CSMD1: variants seen among roughly 807,000 people sequenced by gnomAD.
CSMD1 encodes the protein CUB and Sushi multiple domains 1, also known as CUB and sushi domain-containing protein 1.
CSMD1 carries 213 observed loss-of-function variants against 417.5 expected under a neutral mutation model. That is an observed-to-expected ratio of 0.51 (90% CI 0.46 to 0.57). The LOEUF (loss-of-function observed/expected upper bound fraction) is 0.57. Ranked by LOEUF, CSMD1 falls within the 20% of genes least tolerant of loss-of-function variation. The pLI, the probability that CSMD1 is intolerant of heterozygous loss-of-function variation, is 0.00. For synonymous variants in CSMD1, 2,862 were observed against 1,736.8 expected, an observed-to-expected ratio of 1.65 and a Z score of -16.11; for missense variants, 6,923 against 4,529.7, an observed-to-expected ratio of 1.53 and a Z score of -15.17.
At chr8:4,813,534 G>T (rs935264114) in intron 1 of CSMD1, among the ~76,000 whole-genome samples, 1 of 152,152 alleles carries the variant, frequency 6.6e-6, no homozygotes, top group African/African-American at 2.4e-5. Flanking sequence ...GCAAACACCA[G>T]TGAATGTGTT....
chr8:3,419,598 C>A (rs1172007553), intron 12 of CSMD1, among the ~76,000 whole-genome samples: 1 of 151,990 alleles, frequency 6.6e-6, no homozygotes, highest in Non-Finnish European at 1.5e-5. Context: ...CCACGTCTGG[C>A]CAATTGCTAT....
Position 3,652,111 on chromosome 8 carries a change from CA to C in CSMD1, c.1010-35315del, listed in dbSNP as rs1563235672. ...CCATCAGAGCACCTACCACCATCAG[CA>C]CGCTTACCATCAGAGCGCTTACCAC... On this transcript the variant is annotated intron_variant, in intron 7 of 69. Coordinates refer to ENST00000635120, the MANE Select transcript of CSMD1 (RefSeq NM_033225.6). Among the ~76,000 whole-genome samples, 44 of 99,600 alleles carry C rather than the reference CA, an allele frequency of 4.4e-4. 1 individual carries two copies. The highest frequency in any genetic ancestry group is 7.3e-4 in the Non-Finnish European group (32 of 43,740). The allele number at this position is 99,600 out of a possible 152,430, so 65.3% of individuals were successfully genotyped here. A position where few individuals can be genotyped will look rare whatever the true frequency, so the allele number is the denominator to read the frequency against.
chr8:4,396,272 G>C (rs752937113), intron 3 of CSMD1, among the ~76,000 whole-genome samples: 18 of 151,476 alleles, frequency 1.2e-4, no homozygotes, highest in Non-Finnish European at 2.5e-4. Flanking sequence ...GACCAGCTTG[G>C]GGAATACAGT....
chr8:4,404,311 G>C (rs932717015), intron 3 of CSMD1, among the ~76,000 whole-genome samples: 8 of 152,056 alleles, frequency 5.3e-5, no homozygotes, highest in African/African-American at 1.9e-4. Flanking sequence ...TCATGTATTT[G>C]TTTATGATGT....
chr8:4,654,111 G>A (rs1180190980), intron 1 of CSMD1, among the ~76,000 whole-genome samples: 5 of 152,044 alleles, frequency 3.3e-5, no homozygotes, highest in East Asian at 1.9e-4. Flanking sequence ...AACCAGGGCC[G>A]ATGTTACACT....
At chr8:4,929,420 G>A (rs1026813036) in intron 1 of CSMD1, among the ~76,000 whole-genome samples, 2 of 152,146 alleles carry the variant, frequency 1.3e-5, no homozygotes, top group Non-Finnish European at 2.9e-5. Flanking sequence ...TCAAGAAATA[G>A]GCATTTCTAT....
intron 2 of CSMD1, among the ~76,000 whole-genome samples, chr8:4,595,582 A>T (rs1213537033): frequency 1.3e-5 from 2 of 151,984 alleles, no homozygotes; most frequent in East Asian, 3.9e-4. Context: ...GTTGCTTCCT[A>T]AACAATGTCC....
intron 5 of CSMD1, among the ~76,000 whole-genome samples, chr8:3,770,034 C>G (rs758988159): frequency 1.1e-4 from 17 of 152,112 alleles, no homozygotes; most frequent in Non-Finnish European, 2.4e-4. Flanking sequence ...AATTTTCTAC[C>G]TTTGCTGTGA....
At chr8:4,426,937 G>C (rs1041335078) in intron 2 of CSMD1, among the ~76,000 whole-genome samples, 2 of 151,898 alleles carry the variant, frequency 1.3e-5, no homozygotes, top group African/African-American at 4.8e-5. Context: ...GAGAAATTAT[G>C]GTAGAAGTAT....
chr8:4,246,768 A>AT (rs1388651537), intron 3 of CSMD1, among the ~76,000 whole-genome samples: 3 of 152,182 alleles, frequency 2.0e-5, no homozygotes, highest in Admixed American at 6.5e-5. Context: ...GATCAAGAAG[A>AT]TTTTTTAAGA....
chr8:3,836,465 G>A (rs146894169), intron 5 of CSMD1, among the ~76,000 whole-genome samples: 2 of 152,120 alleles, frequency 1.3e-5, no homozygotes, highest in African/African-American at 4.8e-5. Flanking sequence ...GGAAACTGTA[G>A]AGGAGATGTA....
chr8:3,285,287 G>T (rs1362536876), intron 25 of CSMD1, among the ~76,000 whole-genome samples: 1 of 152,156 alleles, frequency 6.6e-6, no homozygotes, highest in South Asian at 2.1e-4. Context: ...GGAATGTGTG[G>T]TGTATTTTTA....
At chr8:4,788,682 G>A in intron 1 of CSMD1, 2 of 562,832 alleles carry the variant, frequency 3.6e-6, no homozygotes, top group Non-Finnish European at 6.3e-6. Flanking sequence ...TTATAAATTA[G>A]AGAACACAAA....
chr8:3,119,322 T>A (rs1180980900), intron 41 of CSMD1, among the ~76,000 whole-genome samples: 1 of 151,074 alleles, frequency 6.6e-6, no homozygotes, highest in Non-Finnish European at 1.5e-5. Flanking sequence ...AAATATGTCG[T>A]TATTTGGTTT....
At chr8:3,096,570 G>A (rs1400747395) in intron 47 of CSMD1, among the ~76,000 whole-genome samples, 5 of 152,114 alleles carry the variant, frequency 3.3e-5, no homozygotes, top group African/African-American at 1.2e-4. Context: ...ATCTGGAACT[G>A]TAAATCCATT....
intron 3 of CSMD1, among the ~76,000 whole-genome samples, chr8:4,095,708 C>G (rs923546149): frequency 6.6e-6 from 1 of 152,180 alleles, no homozygotes; most frequent in African/African-American, 2.4e-5. Flanking sequence ...TGATGAGGTG[C>G]ATCCGTACTT....
chr8:4,047,987 G>A (rs377259318), intron 3 of CSMD1, among the ~76,000 whole-genome samples: 1 of 152,100 alleles, frequency 6.6e-6, no homozygotes, highest in Admixed American at 6.5e-5. Flanking sequence ...TTTTCATCCT[G>A]AGAGCTTTAA....
At chr8:4,590,363 T>C (rs1056555967) in intron 2 of CSMD1, among the ~76,000 whole-genome samples, 1 of 152,176 alleles carries the variant, frequency 6.6e-6, no homozygotes, top group Non-Finnish European at 1.5e-5. Flanking sequence ...TTCTAAAACA[T>C]ACATGCTCAA....
At chr8:3,440,921 T>A (rs1814939814) in intron 12 of CSMD1, among the ~76,000 whole-genome samples, 1 of 152,180 alleles carries the variant, frequency 6.6e-6, no homozygotes, top group Non-Finnish European at 1.5e-5. Flanking sequence ...CACTCCCTTG[T>A]CCCCAGACGT....
Sources: gnomAD v4.1 joint callset for allele counts (sites outside exome capture counted in the v4.1 genomes callset) on GRCh38, gnomAD v4.1.1 for gene constraint, MANE v1.5 for transcripts, NCBI Gene and HGNC (gene_info 2026-07-23, HGNC 2026-07-21) for gene names.